MCF2L: variants seen among roughly 807,000 people sequenced by gnomAD.
MCF2L encodes MCF.2 cell line derived transforming sequence like, also known as guanine nucleotide exchange factor DBS.
Under a neutral mutation model 153.4 loss-of-function variants are expected in MCF2L, and 97 were observed. The ratio of observed to expected loss-of-function variants is 0.63; its 90% CI spans 0.54 to 0.75. MCF2L has a LOEUF of 0.75. MCF2L is among the 30% of genes least tolerant of loss of function. The probability of loss-of-function intolerance (pLI) is 0.00; values close to 1 mark genes in which losing one functional copy is unlikely to be tolerated. For missense variants in MCF2L, 1,347 were observed against 1,495.2 expected, an observed-to-expected ratio of 0.90 and a Z score of 1.64; for synonymous variants, 659 against 632.2, an observed-to-expected ratio of 1.04 and a Z score of -0.64.
chr13:113,077,034 C>T lies in MCF2L; in HGVS notation c.1501-18C>T. 1 of 1,602,632 alleles carries T rather than the reference C, an allele frequency of 6.2e-7. No individual in the cohort carries two copies. Among genetic ancestry groups the T allele is most frequent in the South Asian group, 1.1e-5 (1 of 89,966 alleles). On this transcript the variant is annotated intron_variant, in intron 12 of 29. Coordinates refer to ENST00000535094, the MANE Select transcript of MCF2L (RefSeq NM_001112732.3). ...ACACCAACATGTGCAAGGCACCTTA[C>T]TGAGCATGCGGTTTCAGGAGCACGT...
chr13:112,990,715 T>C (rs1016213869), intron 1 of MCF2L, among the ~76,000 whole-genome samples: 18 of 152,218 alleles, frequency 1.2e-4, no homozygotes, highest in African/African-American at 4.1e-4. Context: ...GGGGTGCTTT[T>C]CTTCATCCCG....
At chr13:113,036,668 C>T (rs748688072) in intron 3 of MCF2L, among the ~76,000 whole-genome samples, 24 of 152,226 alleles carry the variant, frequency 1.6e-4, no homozygotes, top group African/African-American at 4.1e-4. Context: ...CGACCCTGTC[C>T]TCTCACCCAG....
intron 3 of MCF2L, among the ~76,000 whole-genome samples, chr13:113,032,620 G>T (rs1470994210): frequency 6.6e-6 from 1 of 152,162 alleles, no homozygotes; most frequent in Non-Finnish European, 1.5e-5. Context: ...CCAGACTGGA[G>T]TGCAGTGGCA....
chr13:113,091,296 C>T (rs899740776), intron 26 of MCF2L: 17 of 1,046,256 alleles, frequency 1.6e-5, no homozygotes, highest in African/African-American at 5.0e-5. Flanking sequence ...GGGGGATGCT[C>T]TCGTGGGTCT....
At chr13:112,982,655 G>A (rs1456329445) in intron 1 of MCF2L, among the ~76,000 whole-genome samples, 1 of 152,196 alleles carries the variant, frequency 6.6e-6, no homozygotes, top group East Asian at 1.9e-4. Context: ...GTGGGAGGGG[G>A]GAGACGTGGT....
chr13:112,917,331 C>T (rs555185557), intron 2 of MCF2L: 8 of 368,922 alleles, frequency 2.2e-5, no homozygotes, highest in Admixed American at 1.0e-4. Flanking sequence ...TGGCCAGAAA[C>T]CCCATCGTCC....
At chr13:112,917,904 G>A (rs971362410) in intron 2 of MCF2L, among the ~76,000 whole-genome samples, 11 of 152,176 alleles carry the variant, frequency 7.2e-5, no homozygotes, top group Non-Finnish European at 1.0e-4. Context: ...GCTCCAGGCC[G>A]GCTTGCGTCC....
At chr13:112,963,322 T>C (rs541589862) in intron 2 of MCF2L, among the ~76,000 whole-genome samples, 1 of 152,322 alleles carries the variant, frequency 6.6e-6, no homozygotes, top group African/African-American at 2.4e-5. Context: ...TCTGGCAGGG[T>C]CTGACCGTGC....
At chr13:113,087,197 A>G in intron 21 of MCF2L, 38 bp from the exon 22 acceptor site, 3 of 1,565,364 alleles carry the variant, frequency 1.9e-6, no homozygotes, top group Non-Finnish European at 2.6e-6. Context: ...CCCCAGGCCC[A>G]TCCCGTCCTG....
intron 2 of MCF2L, among the ~76,000 whole-genome samples, chr13:112,914,478 C>A (rs1322794169): frequency 6.6e-6 from 1 of 152,190 alleles, no homozygotes. Context: ...AGCGTGTGTA[C>A]TGGTGTATGG....
chr13:113,018,015 G>A (rs1260333677), intron 2 of MCF2L, among the ~76,000 whole-genome samples: 6 of 152,186 alleles, frequency 3.9e-5, no homozygotes, highest in East Asian at 1.9e-4. Context: ...TGTCTGCCGC[G>A]GAGCCATGGC....
In MCF2L at chr13:113,074,589, G is replaced by A. The variant is rs1594937741; in HGVS notation, c.1116+26G>A. ...GTAAGGCGGGGTCCCGGCGGGGGCGGCGGGAGAGTGTGGGCAGCATCATCA... is the reference window on the plus strand; with the variant it reads ...GTAAGGCGGGGTCCCGGCGGGGGCGACGGGAGAGTGTGGGCAGCATCATCA... On this transcript the variant is annotated intron_variant, in intron 10 of 29. Coordinates refer to ENST00000535094, the MANE Select transcript of MCF2L (RefSeq NM_001112732.3). This position sits in a 1 kb window ranked among gnomAD's most constrained non-coding sequence, Gnocchi z 4.2. 8 of 1,610,428 alleles carry A rather than the reference G, an allele frequency of 5.0e-6. No homozygotes were observed. The highest frequency in any genetic ancestry group is 1.7e-4 in the Middle Eastern group (1 of 5,998).
chr13:112,919,617 A>G (rs1048021348), intron 2 of MCF2L, among the ~76,000 whole-genome samples: 1 of 152,230 alleles, frequency 6.6e-6, no homozygotes, highest in African/African-American at 2.4e-5. Flanking sequence ...AATAGAAAGC[A>G]CATAAAGCCT....
At chr13:113,085,745 C>T (rs369341029) in intron 20 of MCF2L, among the ~76,000 whole-genome samples, 1 of 91,816 alleles carries the variant, frequency 1.1e-5, no homozygotes, top group Non-Finnish European at 2.3e-5. Flanking sequence ...GGAGCAGGTG[C>T]GAGGGGTTTG....
intron 2 of MCF2L, among the ~76,000 whole-genome samples, chr13:112,919,205 A>ATTTTTTTT (rs11431408): frequency 1.6e-5 from 2 of 125,666 alleles, no homozygotes; most frequent in African/African-American, 3.1e-5. Flanking sequence ...AAGAATTTGC[A>ATTTTTTTT]TTTTTTTTTT....
chr13:113,010,920 C>G (rs1382861170), intron 1 of MCF2L, among the ~76,000 whole-genome samples: 2 of 152,220 alleles, frequency 1.3e-5, no homozygotes, highest in Non-Finnish European at 2.9e-5. Context: ...TGAGTGGCCA[C>G]TATTGTTCCT....
At chr13:112,973,593 C>T (rs988474637) in intron 1 of MCF2L, among the ~76,000 whole-genome samples, 13 of 152,330 alleles carry the variant, frequency 8.5e-5, no homozygotes, top group Admixed American at 6.5e-5. Context: ...GAGAACGCAG[C>T]GCTCAGGCCT....
chr13:112,985,183 C>G (rs1020229246), intron 1 of MCF2L: 1 of 344,988 alleles, frequency 2.9e-6, no homozygotes, highest in Non-Finnish European at 5.8e-6. Context: ...AACATCAGGG[C>G]GGAGCAGGAA....
In MCF2L at chr13:112,951,055, G is replaced by A. The variant is rs2081687474; in HGVS notation, c.169+48684G>A. 1.3e-5 allele frequency among the ~76,000 whole-genome samples: 2 copies of A among 152,204 alleles called. No individual in the cohort carries two copies. Among genetic ancestry groups the A allele is most frequent in the Non-Finnish European group, 2.9e-5 (2 of 68,048 alleles). ...CAATTCGCTTAGAAAATGGGCAACA[G>A]ACATAGAGACATTCCACCAAAGATG... On this transcript the variant is annotated intron_variant, in intron 2 of 29. Coordinates refer to the MCF2L transcript ENST00000375608. The surrounding 1 kb of genome is among the most constrained non-coding windows in gnomAD (Gnocchi z 4.8).
Sources: gnomAD v4.1 joint callset for allele counts (sites outside exome capture counted in the v4.1 genomes callset) on GRCh38, gnomAD v4.1.1 for gene constraint, Gnocchi (gnomAD v3.1) non-coding constraint, MANE v1.5 for transcripts, NCBI Gene and HGNC (gene_info 2026-07-23, HGNC 2026-07-21) for gene names.